ERAP1: variants seen among roughly 807,000 people sequenced by gnomAD.
The protein encoded by ERAP1 is adipocyte-derived leucine aminopeptidase.
A neutral mutation model predicts 103.7 loss-of-function variants in ERAP1; 86 were observed. The observed-to-expected ratio is 0.83, with a 90% confidence interval of 0.70 to 0.99. The LOEUF (loss-of-function observed/expected upper bound fraction) is 0.99, where lower values mean the gene tolerates loss of function less well. ERAP1 is among the 50% of genes least tolerant of loss of function. The probability of loss-of-function intolerance (pLI) is 0.00; values close to 1 mark genes in which losing one functional copy is unlikely to be tolerated. For missense variants in ERAP1, 1,009 were observed against 1,128.4 expected, an observed-to-expected ratio of 0.89 and a Z score of 1.52; for synonymous variants, 398 against 402.4, an observed-to-expected ratio of 0.99 and a Z score of 0.13.
chr5:96,913,701 A>G, the ERAP1 span, among the ~76,000 whole-genome samples: 4 of 152,244 alleles, frequency 2.6e-5, no homozygotes, highest in African/African-American at 9.6e-5. Flanking sequence ...AACCACTGGC[A>G]TCAAGTCCGA....
At chr5:96,770,579 G>T (rs1277571302), downstream of ERAP1, 1 of 1,612,528 alleles carries the variant, frequency 6.2e-7, no homozygotes. Context: ...TAAGAATGGA[G>T]GTAAAGCGAA....
At chr5:96,873,043 G>T in the ERAP1 span, among the ~76,000 whole-genome samples, 1 of 152,070 alleles carries the variant, frequency 6.6e-6, no homozygotes, top group Non-Finnish European at 1.5e-5. Context: ...ACAAAAATTA[G>T]CCAGGCATGG....
At chr5:96,922,785 T>C in the ERAP1 span, among the ~76,000 whole-genome samples, 2 of 152,184 alleles carry the variant, frequency 1.3e-5, no homozygotes, top group Non-Finnish European at 2.9e-5. Context: ...CATTTAAAGA[T>C]TTGTATTTAT....
In ERAP1 at chr5:96,774,878, T is replaced by G. The variant is rs11135480; in HGVS notation, c.*1518A>C. 0.11 allele frequency: 112,551 copies of G among 980,528 alleles called. 7,089 individuals are homozygous for G. The highest frequency in any genetic ancestry group is 0.13 in the Middle Eastern group (245 of 1,908). The allele number at this position is 980,528 out of a possible 1,614,324, so 60.7% of individuals were successfully genotyped here. On this transcript the variant is annotated 3_prime_UTR_variant, in exon 19 of 19. Transcript: ENST00000443439. ...ATTTATGTCCAGAAGTCACTCTATT[T>G]TGTCGTGTATTAGGGGAACACATTT... is the stretch of plus-strand genomic sequence containing the variant.
chr5:96,842,426 T>C, the ERAP1 span, among the ~76,000 whole-genome samples: 2 of 152,204 alleles, frequency 1.3e-5, no homozygotes, highest in South Asian at 2.1e-4. Context: ...TGTTCTATTT[T>C]CACCACATCC....
chr5:96,859,518 T>C, the ERAP1 span, among the ~76,000 whole-genome samples: 2 of 151,836 alleles, frequency 1.3e-5, no homozygotes, highest in African/African-American at 4.8e-5. Context: ...CTTTCCAGAA[T>C]TGGGGCAATC....
At chr5:96,786,707 CTTTGT>C (rs1776051279) in intron 11 of ERAP1, 158 bp from the exon 12 acceptor site, 1 of 612,732 alleles carries the variant, frequency 1.6e-6, no homozygotes, top group African/African-American at 1.8e-5. Flanking sequence ...TGTTTTCCAG[CTTTGT>C]AGGGAGTGTC....
At position 96,774,797 on chromosome 5, in the gene ERAP1, C is replaced by T. The variant is rs1205819919; in HGVS notation, c.*1599G>A. On this transcript the variant is annotated 3_prime_UTR_variant, in exon 19 of 19. Transcript: ENST00000443439. ...CTACAACAAATAAGTATAAAAATTC[C>T]AATTCCACTTTTATACCTATTTATT... The T allele has an allele frequency of 1.0e-6, 1 of 984,108 alleles. No individual in the cohort carries two copies. Among genetic ancestry groups the T allele is most frequent in the Admixed American group, 6.2e-5 (1 of 16,254 alleles). 61.0% of individuals were successfully genotyped at this position (984,108 alleles called of 1,614,324 possible). A position where few individuals can be genotyped will look rare whatever the true frequency, so the allele number is the denominator to read the frequency against.
the ERAP1 span, among the ~76,000 whole-genome samples, chr5:96,822,504 A>G: frequency 1.2e-4 from 18 of 152,322 alleles, no homozygotes; most frequent in East Asian, 2.3e-3. Context: ...CGGAGATGCA[A>G]GAATTGTGTC....
At chr5:96,895,470 G>T in the ERAP1 span, 2 of 774,686 alleles carry the variant, frequency 2.6e-6, no homozygotes, top group East Asian at 2.8e-5. Flanking sequence ...TGTGGTTTTT[G>T]AACATATGGC....
the ERAP1 span, among the ~76,000 whole-genome samples, chr5:96,858,163 A>C: frequency 6.6e-6 from 1 of 151,796 alleles, no homozygotes; most frequent in Non-Finnish European, 1.5e-5. Flanking sequence ...GTTACAGCAA[A>C]CATTGAGTCA....
chr5:96,795,905 A>G lies in ERAP1; in HGVS notation c.799-743T>C, dbSNP rs188444462. Among the ~76,000 whole-genome samples the G allele has an allele frequency of 1.3e-3, 196 of 152,346 alleles. 2 individuals carry two copies. The highest frequency in any genetic ancestry group is 4.5e-3 in the African/African-American group (188 of 41,580). The stretch of plus-strand genomic sequence containing the variant: ...ATACACAAAGAATTCAGATAAAACA[A>G]TTACCAGACACAGATATATAATTGT... On this transcript the variant is annotated intron_variant, in intron 4 of 18. Coordinates refer to ENST00000443439, the MANE Select transcript of ERAP1 (RefSeq NM_001040458.3).
At chr5:96,839,456 T>C in the ERAP1 span, among the ~76,000 whole-genome samples, 1 of 152,234 alleles carries the variant, frequency 6.6e-6, no homozygotes, top group South Asian at 2.1e-4. Context: ...CACTGTGAGT[T>C]AGGAAGACAC....
chr5:96,837,411 C>T, the ERAP1 span, among the ~76,000 whole-genome samples: 1 of 152,234 alleles, frequency 6.6e-6, no homozygotes, highest in Non-Finnish European at 1.5e-5. Flanking sequence ...TCCCCGACCC[C>T]TTCGTGGGCG....
chr5:96,765,146 T>TG (rs1769398322), intron 19 of ERAP1: 1 of 832,238 alleles, frequency 1.2e-6, no homozygotes, highest in African/African-American at 1.7e-5. Context: ...CCTGAAAAGA[T>TG]GGAGTTCCTG....
downstream of ERAP1, chr5:96,774,313 AG>A: frequency 5.4e-6 from 1 of 184,964 alleles, no homozygotes; most frequent in East Asian, 1.8e-4. Context: ...TGCCTATAAA[AG>A]TAAACAACAT....
At chr5:96,802,011 A>G (rs1044620179) in intron 2 of ERAP1, among the ~76,000 whole-genome samples, 1 of 152,150 alleles carries the variant, frequency 6.6e-6, no homozygotes, top group Non-Finnish European at 1.5e-5. Context: ...AGTTACGTAA[A>G]TTAAAAAGAG....
the ERAP1 span, among the ~76,000 whole-genome samples, chr5:96,842,163 C>A: frequency 4.7e-4 from 71 of 152,210 alleles, no homozygotes; most frequent in Non-Finnish European, 1.0e-4. Flanking sequence ...TATGTATATA[C>A]CACATTTCCT....
the ERAP1 span, among the ~76,000 whole-genome samples, chr5:96,890,892 A>G: frequency 6.6e-6 from 1 of 152,200 alleles, no homozygotes. Context: ...GCCATCAACA[A>G]TATTAATGTT....
Sources: gnomAD v4.1 joint callset for allele counts (sites outside exome capture counted in the v4.1 genomes callset) on GRCh38, gnomAD v4.1.1 for gene constraint, MANE v1.5 for transcripts, NCBI Gene and HGNC (gene_info 2026-07-23, HGNC 2026-07-21) for gene names.